Variants in GALNTL6 observed in about 807,000 individuals in gnomAD.
GALNTL6 encodes the protein polypeptide N-acetylgalactosaminyltransferase like 6.
A neutral mutation model predicts 73.7 loss-of-function variants in GALNTL6; 46 were observed. The ratio of observed to expected loss-of-function variants is 0.62; its 90% CI spans 0.49 to 0.80. The LOEUF (loss-of-function observed/expected upper bound fraction) is 0.80, where lower values mean the gene tolerates loss of function less well. Ranked by LOEUF, GALNTL6 falls within the 30% of genes least tolerant of loss-of-function variation. GALNTL6 has a pLI of 0.00. For missense variants in GALNTL6, 604 were observed against 755.0 expected (o/e 0.80, Z 2.34); for synonymous variants, 259 against 263.7 (o/e 0.98, Z 0.17).
intron 2 of GALNTL6, among the ~76,000 whole-genome samples, chr4:171,881,447 CTCTT>C (rs1383985190): frequency 6.6e-6 from 1 of 152,054 alleles, no homozygotes; most frequent in Non-Finnish European, 1.5e-5. Context: ...GCCAGTCTCT[CTCTT>C]TTTCATGTTT....
intron 3 of GALNTL6, among the ~76,000 whole-genome samples, chr4:172,235,284 T>C (rs1335095237): frequency 6.6e-6 from 1 of 151,634 alleles, no homozygotes; most frequent in African/African-American, 2.4e-5. Flanking sequence ...CTCGGCTCAC[T>C]GCAACCTTCA....
At chr4:172,940,991 A>T (rs1748892118) in intron 9 of GALNTL6, among the ~76,000 whole-genome samples, 1 of 152,202 alleles carries the variant, frequency 6.6e-6, no homozygotes, top group Non-Finnish European at 1.5e-5. Flanking sequence ...ACTATTTTTT[A>T]AATTTAGTTT....
chr4:172,087,420 G>A lies in GALNTL6; in HGVS notation c.139-142236G>A, dbSNP rs536367068. On this transcript the variant is annotated intron_variant, in intron 2 of 12. Transcript: ENST00000506823. ...AGGTCGCGCCACTGCACTCCAGCCTGGGCAACAGAGTTAGACTCCATCCCA... is the reference window on the plus strand; with the variant it reads ...AGGTCGCGCCACTGCACTCCAGCCTAGGCAACAGAGTTAGACTCCATCCCA... 1.9e-3 allele frequency among the ~76,000 whole-genome samples: 288 copies of A among 148,722 alleles called. 1 individual carries two copies. Among genetic ancestry groups the A allele is most frequent in the African/African-American group, 6.7e-3 (268 of 40,224 alleles).
intron 7 of GALNTL6, among the ~76,000 whole-genome samples, chr4:172,821,690 A>G (rs1741938412): frequency 6.6e-6 from 1 of 152,184 alleles, no homozygotes; most frequent in South Asian, 2.1e-4. Context: ...AGACTGTCAA[A>G]CTTTTAAATG....
At chr4:172,321,735 T>C (rs1348088078) in intron 4 of GALNTL6, among the ~76,000 whole-genome samples, 1 of 152,044 alleles carries the variant, frequency 6.6e-6, no homozygotes, top group Non-Finnish European at 1.5e-5. Context: ...GGAAGAAATA[T>C]CAATGTTACA....
chr4:172,715,228 A>T (rs1428943276), intron 5 of GALNTL6, among the ~76,000 whole-genome samples: 1 of 152,180 alleles, frequency 6.6e-6, no homozygotes, highest in African/African-American at 2.4e-5. Context: ...TTATGAAGGT[A>T]GTAAGAAAAG....
At chr4:172,481,950 G>A (rs927592251) in intron 5 of GALNTL6, among the ~76,000 whole-genome samples, 2 of 152,326 alleles carry the variant, frequency 1.3e-5, no homozygotes, top group East Asian at 3.9e-4. Context: ...GTGCCCGTCG[G>A]GGAGGCTCGG....
intron 2 of GALNTL6, among the ~76,000 whole-genome samples, chr4:172,012,282 C>T (rs1299685576): frequency 6.6e-6 from 1 of 152,088 alleles, no homozygotes; most frequent in Admixed American, 6.6e-5. Flanking sequence ...CATGACCCAT[C>T]ACATCCTGAG....
intron 2 of GALNTL6, among the ~76,000 whole-genome samples, chr4:172,229,187 A>G (rs1303337500): frequency 1.3e-5 from 2 of 152,234 alleles, no homozygotes; most frequent in African/African-American, 4.8e-5. Context: ...CAGAGTATTT[A>G]ACGTAGAACC....
intron 8 of GALNTL6, among the ~76,000 whole-genome samples, chr4:172,909,359 T>TAA (rs33941800): frequency 1.4e-4 from 21 of 151,044 alleles, no homozygotes; most frequent in African/African-American, 5.1e-4. Flanking sequence ...TTCATTTACA[T>TAA]AAAATATTAT....
intron 2 of GALNTL6, among the ~76,000 whole-genome samples, chr4:171,831,446 A>G (rs1023892289): frequency 1.3e-5 from 2 of 151,994 alleles, no homozygotes; most frequent in Non-Finnish European, 2.9e-5. Flanking sequence ...GCTAAATTAC[A>G]TCAAGCACAT....
intron 5 of GALNTL6, among the ~76,000 whole-genome samples, chr4:172,647,219 T>C (rs934463027): frequency 3.9e-5 from 6 of 152,008 alleles, no homozygotes; most frequent in African/African-American, 1.4e-4. Context: ...CAGGTAGACT[T>C]TAGGAGAATA....
At chr4:171,988,045 A>C (rs887718555) in intron 2 of GALNTL6, among the ~76,000 whole-genome samples, 4 of 152,166 alleles carry the variant, frequency 2.6e-5, no homozygotes, top group African/African-American at 9.7e-5. Flanking sequence ...GTTATGAGAA[A>C]TGTAGAGAGT....
chr4:172,467,691 T>C (rs567672089), intron 5 of GALNTL6, among the ~76,000 whole-genome samples: 4 of 152,280 alleles, frequency 2.6e-5, no homozygotes, highest in African/African-American at 7.2e-5. Context: ...CCCCTTTCTG[T>C]ATTTATGGCA....
intron 2 of GALNTL6, among the ~76,000 whole-genome samples, chr4:172,071,830 G>T (rs997514602): frequency 8.5e-5 from 13 of 152,148 alleles, no homozygotes; most frequent in Non-Finnish European, 1.6e-4. Context: ...AGGACTATTG[G>T]CATAAGAAAA....
chr4:172,713,494 T>C (rs555151543), intron 5 of GALNTL6, among the ~76,000 whole-genome samples: 2 of 152,172 alleles, frequency 1.3e-5, no homozygotes, highest in Admixed American at 6.5e-5. Flanking sequence ...CACCCACATA[T>C]AAAGGGAAAT....
At chr4:172,775,677 C>T (rs1739033382) in intron 5 of GALNTL6, among the ~76,000 whole-genome samples, 1 of 152,080 alleles carries the variant, frequency 6.6e-6, no homozygotes, top group South Asian at 2.1e-4. Flanking sequence ...GTGTTTATGC[C>T]TTTTTGTTTT....
At position 172,809,512 on chromosome 4, in the gene GALNTL6, C is replaced by T. The variant is rs756840694; in HGVS notation, c.705C>T (p.Cys235=). 9.9e-6 allele frequency: 16 copies of T among 1,613,240 alleles called. No homozygotes were observed. The highest frequency in any genetic ancestry group is 1.6e-4 in the Middle Eastern group (1 of 6,074). ...TCCTGACATTCCTGGACTCCCACTGCGAGGTCAATGTGAACTGGCTGCCCC... is the reference window on the plus strand; with the variant it reads ...TCCTGACATTCCTGGACTCCCACTGTGAGGTCAATGTGAACTGGCTGCCCC... ...GEVLTFLDSH[C]EVNVNWLPPL... is the part of the protein sequence containing the mutation. The change falls in exon 6 of 13, where the codon TGC becomes TGT. Residue 235 remains cysteine, a synonymous_variant. Coordinates refer to ENST00000506823, the MANE Select transcript of GALNTL6 (RefSeq NM_001034845.3). The surrounding 1 kb of genome is among the most constrained non-coding windows in gnomAD (Gnocchi z 4.4).
intron 2 of GALNTL6, among the ~76,000 whole-genome samples, chr4:171,852,206 G>A (rs1178164337): frequency 1.3e-5 from 2 of 151,752 alleles, no homozygotes; most frequent in East Asian, 1.9e-4. Flanking sequence ...TTTTTCTGTT[G>A]TCCAATTCTG....
Sources: allele counts gnomAD v4.1 joint callset (sites outside exome capture counted in the v4.1 genomes callset), GRCh38; gene constraint gnomAD v4.1.1; non-coding constraint Gnocchi (gnomAD v3.1); transcripts MANE v1.5; gene names NCBI Gene and HGNC (gene_info 2026-07-23, HGNC 2026-07-21).